Variants in AJAP1 observed in about 807,000 individuals in gnomAD.
AJAP1 encodes adherens junctions associated protein 1, also known as adherens junction-associated protein 1.
AJAP1 carries 5 observed loss-of-function variants against 35.0 expected under a neutral mutation model. That is an observed-to-expected ratio of 0.14 (90% CI 0.07 to 0.30). AJAP1 has a LOEUF of 0.30. Among genes scored for constraint, AJAP1 ranks in the 10% least tolerant of loss-of-function variants. The probability of loss-of-function intolerance (pLI) is 1.00; values close to 1 mark genes in which losing one functional copy is unlikely to be tolerated. For synonymous variants in AJAP1, 284 were observed against 249.3 expected (o/e 1.14, Z -1.31); for missense variants, 586 against 571.0 (o/e 1.03, Z -0.27).
chr1:4,735,666 AGG>A (rs1491165144), intron 2 of AJAP1, among the ~76,000 whole-genome samples: 1 of 19,574 alleles, frequency 5.1e-5, no homozygotes, highest in African/African-American at 1.4e-4. Flanking sequence ...GTGAGGTGTG[AGG>A]TGAGCTCCTC....
chr1:4,753,816 C>T, intron 2 of AJAP1, among the ~76,000 whole-genome samples: 1 of 152,234 alleles, frequency 6.6e-6, no homozygotes, highest in Admixed American at 6.5e-5. Flanking sequence ...AGGTGATCCG[C>T]CCACCTCAGC....
rs569502079 is a variant in AJAP1, at chr1:4,673,109, A to G, written c.29+17655A>G. Among the ~76,000 whole-genome samples the G allele has an allele frequency of 2.0e-5, 3 of 152,312 alleles. No homozygotes were observed. In the East Asian group the frequency reaches 5.8e-4, roughly 29 times the overall value. On this transcript the variant is annotated intron_variant, in intron 1 of 5. Transcript: ENST00000378191. ...AAACAGATTCTTCCCCAAGATCTCC[A>G]GAAGGAGACACAGCCCCACCAATGC...
chr1:4,712,053 C>A lies in AJAP1; in HGVS notation c.183C>A (p.Pro61=). ...TGCCGCGGTCGCCGCCCCGGCCGCC[C>A]CGGCTGTGGAGTTTTAGGAGTGGAC... ...WLLPRSPPRP[P]RLWSFRSGQP... Residue 61 remains proline, a synonymous_variant, in exon 2 of 6, where the codon CCC becomes CCA. Coordinates refer to ENST00000378191, the MANE Select transcript of AJAP1 (RefSeq NM_018836.4). 1.3e-6 allele frequency: 2 copies of A among 1,587,128 alleles called. No homozygotes were observed. The highest frequency in any genetic ancestry group is 1.7e-6 in the Non-Finnish European group (2 of 1,170,702).
At chr1:4,670,165 C>A (rs1425089691) in intron 1 of AJAP1, among the ~76,000 whole-genome samples, 1 of 152,150 alleles carries the variant, frequency 6.6e-6, no homozygotes, top group East Asian at 1.9e-4. Flanking sequence ...CCCATCTCAT[C>A]CTAGATTGCA....
chr1:4,766,390 G>T (rs139412691), intron 2 of AJAP1, among the ~76,000 whole-genome samples: 39 of 152,282 alleles, frequency 2.6e-4, no homozygotes, highest in East Asian at 1.3e-3. Flanking sequence ...TAAATGATGG[G>T]GCGGATGCTG....
chr1:4,760,792 T>C (rs1310819614), intron 2 of AJAP1, among the ~76,000 whole-genome samples: 1 of 152,224 alleles, frequency 6.6e-6, no homozygotes, highest in Non-Finnish European at 1.5e-5. Flanking sequence ...CGCCAAGGCG[T>C]GTGGCCACAC....
intron 2 of AJAP1, among the ~76,000 whole-genome samples, chr1:4,719,356 C>T (rs1314838998): frequency 6.6e-6 from 1 of 152,108 alleles, no homozygotes; most frequent in African/African-American, 2.4e-5. Flanking sequence ...GAAATCCAGA[C>T]AGATAAAGAC....
intron 5 of AJAP1, among the ~76,000 whole-genome samples, chr1:4,776,465 G>A (rs1474076347): frequency 6.6e-6 from 1 of 152,150 alleles, no homozygotes; most frequent in Non-Finnish European, 1.5e-5. Flanking sequence ...CTGGCTCCGG[G>A]ACATCCCCTG....
chr1:4,681,422 G>A (rs114006221), intron 1 of AJAP1, among the ~76,000 whole-genome samples: 2,319 of 152,298 alleles, frequency 0.015, 55 homozygotes, highest in African/African-American at 0.053. Flanking sequence ...CACCCTGGAC[G>A]CAGGCCTCTG....
At chr1:4,768,987 G>T (rs1230180379) in intron 2 of AJAP1, among the ~76,000 whole-genome samples, 4 of 152,190 alleles carry the variant, frequency 2.6e-5, no homozygotes, top group Non-Finnish European at 2.9e-5. Flanking sequence ...GGACAGAGGT[G>T]GGGGACGGGA....
intron 1 of AJAP1, among the ~76,000 whole-genome samples, chr1:4,677,038 T>A (rs920062984): frequency 2.6e-5 from 4 of 152,150 alleles, no homozygotes; most frequent in Admixed American, 2.6e-4. Context: ...GTGCCTGTAA[T>A]CTCAGGTACT....
At position 4,784,583 on chromosome 1, in the gene AJAP1, GA is replaced by G. The variant is rs1045481422; in HGVS notation, c.*2101del. Reference sequence around the variant, plus strand: ...TCAGAAGTTCACTTTTGTATCTCCTGAAACATGTGAACCTAGAGTAAGGCCT... The same window carrying G: ...TCAGAAGTTCACTTTTGTATCTCCTGAACATGTGAACCTAGAGTAAGGCCT... On this transcript the variant is annotated 3_prime_UTR_variant, in exon 6 of 6. Transcript: ENST00000378191. 4.7e-4 allele frequency: 72 copies of G among 152,322 alleles called. No individual in the cohort carries two copies. The highest frequency in any genetic ancestry group is 1.7e-3 in the African/African-American group (70 of 41,574). The allele number at this position is 152,322 out of a possible 1,614,324, so 9.4% of individuals were successfully genotyped here.
At chr1:4,746,187 G>A (rs1484304940) in intron 2 of AJAP1, among the ~76,000 whole-genome samples, 3 of 152,090 alleles carry the variant, frequency 2.0e-5, no homozygotes, top group East Asian at 1.9e-4. Flanking sequence ...TTCCTCGGAC[G>A]GTGGCTGCAT....
chr1:4,674,392 G>A (rs543454687), intron 1 of AJAP1, among the ~76,000 whole-genome samples: 1 of 152,354 alleles, frequency 6.6e-6, no homozygotes, highest in East Asian at 1.9e-4. Flanking sequence ...GGCAAATAAA[G>A]TTTTATTGGC....
At chr1:4,751,505 G>T (rs999016183) in intron 2 of AJAP1, among the ~76,000 whole-genome samples, 3 of 152,206 alleles carry the variant, frequency 2.0e-5, no homozygotes, top group Non-Finnish European at 4.4e-5. Context: ...CGTTCAATCA[G>T]TCATTCATTT....
chr1:4,696,336 C>T (rs1639858102), intron 1 of AJAP1, among the ~76,000 whole-genome samples: 1 of 152,228 alleles, frequency 6.6e-6, no homozygotes, highest in Non-Finnish European at 1.5e-5. Context: ...GGACAAGTGT[C>T]CTCCTGACAC....
At chr1:4,669,452 AGG>A (rs1310553713) in intron 1 of AJAP1, among the ~76,000 whole-genome samples, 1 of 152,222 alleles carries the variant, frequency 6.6e-6, no homozygotes, top group African/African-American at 2.4e-5. Context: ...GCACCTTCAC[AGG>A]GCGGCAGGAT....
intron 1 of AJAP1, among the ~76,000 whole-genome samples, chr1:4,681,549 G>A (rs1208546439): frequency 2.0e-5 from 3 of 152,232 alleles, no homozygotes; most frequent in Non-Finnish European, 2.9e-5. Context: ...GCCATATTCC[G>A]GGCATTTCTG....
intron 1 of AJAP1, among the ~76,000 whole-genome samples, chr1:4,688,395 T>A (rs1165895806): frequency 6.6e-6 from 1 of 152,180 alleles, no homozygotes; most frequent in Non-Finnish European, 1.5e-5. Context: ...AACACGGTCT[T>A]ATGTAGTGAA....
Sources: allele counts gnomAD v4.1 joint callset (sites outside exome capture counted in the v4.1 genomes callset), GRCh38; gene constraint gnomAD v4.1.1; transcripts MANE v1.5; gene names NCBI Gene and HGNC (gene_info 2026-07-23, HGNC 2026-07-21).